Variants in SAMMSON observed in about 807,000 individuals in gnomAD.
SAMMSON encodes the protein long intergenic non-protein coding RNA 1212.
chr3:70,021,343 T>C (rs2067012684), intron 3 of SAMMSON, among the ~76,000 whole-genome samples: 1 of 152,222 alleles, frequency 6.6e-6, no homozygotes, highest in African/African-American at 2.4e-5. Context: ...AGCCAGTATA[T>C]GGCCTCTTTT....
intron 7 of SAMMSON, chr3:70,311,917 A>G: frequency 5.0e-6 from 2 of 397,780 alleles, no homozygotes; most frequent in Non-Finnish European, 8.9e-6. Flanking sequence ...TATTTTTATC[A>G]TTTTCTAAAT....
chr3:70,192,579 C>T (rs1701139278), intron 4 of SAMMSON, among the ~76,000 whole-genome samples: 1 of 152,204 alleles, frequency 6.6e-6, no homozygotes, highest in Non-Finnish European at 1.5e-5. Flanking sequence ...CCCCTACTCT[C>T]TTGAAGGCTG....
intron 4 of SAMMSON, among the ~76,000 whole-genome samples, chr3:70,171,320 T>C (rs908642569): frequency 6.6e-6 from 1 of 151,760 alleles, no homozygotes. Flanking sequence ...AACTGATCAC[T>C]AGTAAATCTG....
intron 2 of SAMMSON, among the ~76,000 whole-genome samples, chr3:70,431,416 A>G (rs1265731598): frequency 6.6e-6 from 1 of 152,018 alleles, no homozygotes; most frequent in Non-Finnish European, 1.5e-5. Context: ...TGGGATATTT[A>G]GTTTTGTGTA....
intron 4 of SAMMSON, among the ~76,000 whole-genome samples, chr3:70,132,093 C>G (rs925283210): frequency 1.3e-5 from 2 of 152,126 alleles, no homozygotes; most frequent in Admixed American, 6.6e-5. Flanking sequence ...ATTATATCCC[C>G]TCCCTCACTA....
chr3:70,137,415 A>T (rs1412557738), intron 4 of SAMMSON, among the ~76,000 whole-genome samples: 2 of 152,206 alleles, frequency 1.3e-5, no homozygotes, highest in Non-Finnish European at 2.9e-5. Flanking sequence ...TTGGGGGAAA[A>T]TTAGAAGAAT....
At chr3:70,068,219 C>A (rs1576113623) in intron 3 of SAMMSON, 1 of 152,150 alleles carries the variant, frequency 6.6e-6, no homozygotes, top group South Asian at 2.1e-4. Flanking sequence ...TTATTGAAGT[C>A]ATGAGCCCGT....
chr3:70,154,786 T>C (rs2067585454), intron 4 of SAMMSON, among the ~76,000 whole-genome samples: 1 of 152,016 alleles, frequency 6.6e-6, no homozygotes, highest in Admixed American at 6.6e-5. Context: ...TCACTTATGG[T>C]GGAATCTTAT....
intron 4 of SAMMSON, chr3:70,094,570 G>C (rs953033957): frequency 6.6e-6 from 1 of 152,046 alleles, no homozygotes; most frequent in African/African-American, 2.4e-5. Flanking sequence ...GATTTAAATT[G>C]TCCCTTCCTG....
chr3:70,372,908 C>A (rs564055424), intron 9 of SAMMSON, among the ~76,000 whole-genome samples: 1 of 152,180 alleles, frequency 6.6e-6, no homozygotes, highest in African/African-American at 2.4e-5. Context: ...AATTTAGGTA[C>A]CTTACCTCCT....
At chr3:70,428,420 A>G (rs1010091563) in intron 2 of SAMMSON, among the ~76,000 whole-genome samples, 2 of 152,214 alleles carry the variant, frequency 1.3e-5, no homozygotes, top group East Asian at 1.9e-4. Flanking sequence ...AAGTCCACAA[A>G]TACATGCACA....
chr3:70,011,513 A>G (rs2066955492), intron 1 of SAMMSON, among the ~76,000 whole-genome samples: 1 of 152,098 alleles, frequency 6.6e-6, no homozygotes, highest in African/African-American at 2.4e-5. Context: ...TAACAAAGCC[A>G]ACTTTGACCC....
At chr3:70,212,766 C>G (rs1701364056) in intron 4 of SAMMSON, among the ~76,000 whole-genome samples, 1 of 151,856 alleles carries the variant, frequency 6.6e-6, no homozygotes, top group Non-Finnish European at 1.5e-5. Flanking sequence ...TAATGGCTCA[C>G]TATTACCTGA....
intron 4 of SAMMSON, among the ~76,000 whole-genome samples, chr3:70,166,768 C>T (rs761940183): frequency 1.1e-4 from 17 of 151,904 alleles, no homozygotes; most frequent in Non-Finnish European, 2.4e-4. Context: ...ACATTGAATA[C>T]TCACCCAGGA....
chr3:70,181,027 G>A (rs970300487), intron 4 of SAMMSON, among the ~76,000 whole-genome samples: 2 of 152,114 alleles, frequency 1.3e-5, no homozygotes, highest in African/African-American at 2.4e-5. Context: ...AGATCTTCCC[G>A]GCCTGGCAAG....
At chr3:70,027,552 A>C (rs568760162) in intron 3 of SAMMSON, among the ~76,000 whole-genome samples, 15 of 152,348 alleles carry the variant, frequency 9.8e-5, no homozygotes, top group Admixed American at 8.5e-4. Flanking sequence ...GTCATGAAGA[A>C]TCATTTTACT....
chr3:70,266,225 C>A (rs1017864436), intron 6 of SAMMSON, among the ~76,000 whole-genome samples: 4 of 151,866 alleles, frequency 2.6e-5, no homozygotes, highest in African/African-American at 9.7e-5. Context: ...TTATTTTCAG[C>A]TTTGTATTTT....
chr3:70,269,596 C>T (rs1355123966), intron 6 of SAMMSON, among the ~76,000 whole-genome samples: 1 of 152,000 alleles, frequency 6.6e-6, no homozygotes, highest in African/African-American at 2.4e-5. Flanking sequence ...CAGGGGCTGC[C>T]CAGTTCTTGA....
Position 70,429,600 on chromosome 3 carries a change from C to T in SAMMSON, n.234-32960C>T, listed in dbSNP as rs550365946. Among the ~76,000 whole-genome samples the T allele has an allele frequency of 4.6e-5, 7 of 152,274 alleles. No individual in the cohort carries two copies. The East Asian group carries it at 1.3e-3, about 29-fold the overall frequency. ...GATATTGATTCTTCCTATCCATGAG[C>T]ATTCAATGTTTTACCATTTGTTTGT... On this transcript the variant is annotated intron_variant and non_coding_transcript_variant, in intron 2 of 3. Transcript: ENST00000641053.
Sources: allele counts gnomAD v4.1 joint callset (sites outside exome capture counted in the v4.1 genomes callset), GRCh38; gene constraint gnomAD v4.1.1; transcripts MANE v1.5; gene names NCBI Gene and HGNC (gene_info 2026-07-23, HGNC 2026-07-21).